PACRG: variants seen among roughly 807,000 people sequenced by gnomAD.
PACRG encodes parkin coregulated gene protein.
A neutral mutation model predicts 29.7 loss-of-function variants in PACRG; 29 were observed. That is an observed-to-expected ratio of 0.98 (90% CI 0.73 to 1.33). The LOEUF (loss-of-function observed/expected upper bound fraction) is 1.33, where lower values mean the gene tolerates loss of function less well. Among genes scored for constraint, PACRG ranks in the 40% most tolerant of loss-of-function variants. The pLI, the probability that PACRG is intolerant of heterozygous loss-of-function variation, is 0.00. For synonymous variants in PACRG, 116 were observed against 118.7 expected (o/e 0.98, Z 0.15); for missense variants, 279 against 316.2 (o/e 0.88, Z 0.89).
intron 4 of PACRG, among the ~76,000 whole-genome samples, chr6:163,260,191 C>G (rs771325095): frequency 4.6e-5 from 7 of 152,248 alleles, no homozygotes; most frequent in Non-Finnish European, 1.0e-4. Flanking sequence ...TCACTGCCGT[C>G]TGGGCCACCA....
At chr6:163,307,098 A>G (rs1248909135) in intron 4 of PACRG, among the ~76,000 whole-genome samples, 1 of 152,200 alleles carries the variant, frequency 6.6e-6, no homozygotes, top group African/African-American at 2.4e-5. Flanking sequence ...TCATAGATAA[A>G]TGAATCTACT....
chr6:163,127,320 C>G (rs530777830), intron 4 of PACRG, among the ~76,000 whole-genome samples: 1 of 152,220 alleles, frequency 6.6e-6, no homozygotes, highest in Non-Finnish European at 1.5e-5. Flanking sequence ...CAAATTGCCT[C>G]GGCCTATTCC....
At chr6:163,254,548 G>A (rs1438141372) in intron 4 of PACRG, among the ~76,000 whole-genome samples, 2 of 152,240 alleles carry the variant, frequency 1.3e-5, no homozygotes, top group East Asian at 1.9e-4. Flanking sequence ...CAGCTCGCGA[G>A]TGGGCTCAGA....
chr6:163,216,973 A>G (rs1399291556), intron 4 of PACRG, among the ~76,000 whole-genome samples: 1 of 152,248 alleles, frequency 6.6e-6, no homozygotes, highest in Admixed American at 6.5e-5. Context: ...TGCTGTATCT[A>G]CAGAATTACA....
intron 1 of PACRG, among the ~76,000 whole-genome samples, chr6:162,762,942 T>G (rs1314959855): frequency 6.6e-6 from 1 of 152,202 alleles, no homozygotes; most frequent in Non-Finnish European, 1.5e-5. Flanking sequence ...ATGGGCCAGG[T>G]TTTCACTTTA....
intron 4 of PACRG, among the ~76,000 whole-genome samples, chr6:163,232,073 G>C (rs1342438510): frequency 6.6e-6 from 1 of 152,214 alleles, no homozygotes; most frequent in Non-Finnish European, 1.5e-5. Context: ...GACTTGCTGG[G>C]ACTCTCAGGC....
chr6:162,969,614 C>T (rs933552473), intron 2 of PACRG, among the ~76,000 whole-genome samples: 3 of 152,110 alleles, frequency 2.0e-5, no homozygotes, highest in Non-Finnish European at 4.4e-5. Context: ...CCCTGTCTGC[C>T]CCTTGCTCCC....
At chr6:162,831,069 T>C (rs1297046094) in intron 2 of PACRG, among the ~76,000 whole-genome samples, 1 of 152,178 alleles carries the variant, frequency 6.6e-6, no homozygotes, top group Non-Finnish European at 1.5e-5. Context: ...ATTATTGTTA[T>C]TCTTCTAACA....
At chr6:163,236,560 G>GGGA (rs1782246369) in intron 4 of PACRG, among the ~76,000 whole-genome samples, 1 of 148,472 alleles carries the variant, frequency 6.7e-6, no homozygotes, top group Non-Finnish European at 1.5e-5. Context: ...ATATGACTGT[G>GGGA]TTACACAAGA....
chr6:163,239,765 C>A (rs1437517118), intron 4 of PACRG, among the ~76,000 whole-genome samples: 1 of 149,090 alleles, frequency 6.7e-6, no homozygotes, highest in Non-Finnish European at 1.5e-5. Context: ...CACACACTCA[C>A]ACCTCCACCC....
intron 1 of PACRG, among the ~76,000 whole-genome samples, chr6:162,752,885 G>A (rs1241816803): frequency 6.6e-6 from 1 of 151,680 alleles, no homozygotes; most frequent in Non-Finnish European, 1.5e-5. Flanking sequence ...TCCTGGCTTG[G>A]GTTCTTCATT....
intron 4 of PACRG, among the ~76,000 whole-genome samples, chr6:163,273,675 C>T (rs1783922972): frequency 6.6e-6 from 1 of 152,060 alleles, no homozygotes; most frequent in Non-Finnish European, 1.5e-5. Context: ...CTTTCCTCCC[C>T]CCTTGATATT....
At chr6:163,263,019 A>C (rs113904716) in intron 4 of PACRG, among the ~76,000 whole-genome samples, 2,096 of 150,980 alleles carry the variant, frequency 0.014, 55 homozygotes, top group African/African-American at 0.049. Flanking sequence ...CCACTGCACT[A>C]CAGCCTGGGC....
At chr6:162,860,741 A>G (rs377571987) in intron 2 of PACRG, among the ~76,000 whole-genome samples, 1 of 152,314 alleles carries the variant, frequency 6.6e-6, no homozygotes, top group East Asian at 1.9e-4. Context: ...GTTTTGCTGT[A>G]TATCATGGAA....
At chr6:163,064,372 C>T (rs566311714) in intron 3 of PACRG, among the ~76,000 whole-genome samples, 1 of 152,166 alleles carries the variant, frequency 6.6e-6, no homozygotes, top group South Asian at 2.1e-4. Flanking sequence ...TGCCGATGAG[C>T]GAAAACGTTA....
rs147255481 is a variant in PACRG, at chr6:163,003,451, C to T, written c.292-58699C>T. 2.3e-3 allele frequency among the ~76,000 whole-genome samples: 346 copies of T among 151,982 alleles called. 1 individual carries two copies. The highest frequency in any genetic ancestry group is 2.3e-3 in the Non-Finnish European group (155 of 67,954). On this transcript the variant is annotated intron_variant, in intron 2 of 4. Transcript: ENST00000366888. ...TTGAGCCTGTTTGCAATACCAGAAT[C>T]AAGTCAGAAAAAAAATAAAATGGAA...
intron 1 of PACRG, among the ~76,000 whole-genome samples, chr6:162,751,233 A>G (rs1462951277): frequency 6.6e-6 from 1 of 152,030 alleles, no homozygotes; most frequent in African/African-American, 2.4e-5. Flanking sequence ...TTCTGTTATA[A>G]TGAGTGAGGA....
At chr6:163,061,500 G>A (rs1345649579) in intron 2 of PACRG, among the ~76,000 whole-genome samples, 1 of 152,198 alleles carries the variant, frequency 6.6e-6, no homozygotes. Flanking sequence ...TCCGCTCCCA[G>A]AAGAAGCAGG....
chr6:163,254,696 C>T (rs1783040777), intron 4 of PACRG, among the ~76,000 whole-genome samples: 1 of 152,160 alleles, frequency 6.6e-6, no homozygotes, highest in Admixed American at 6.5e-5. Context: ...TGTCCTGGAC[C>T]CCTGCCCGTG....
Sources: allele counts gnomAD v4.1 joint callset (sites outside exome capture counted in the v4.1 genomes callset), GRCh38; gene constraint gnomAD v4.1.1; transcripts MANE v1.5; gene names NCBI Gene and HGNC (gene_info 2026-07-23, HGNC 2026-07-21).